Variants in NFKB1 observed in about 807,000 individuals in gnomAD.
NFKB1 encodes the protein nuclear factor NF-kappa-B p105 subunit.
A neutral mutation model predicts 105.1 loss-of-function variants in NFKB1; 9 were observed. The observed-to-expected ratio is 0.09, with a 90% CI of 0.05 to 0.15. NFKB1 has a LOEUF of 0.15. Ranked by LOEUF, NFKB1 falls within the 10% of genes least tolerant of loss-of-function variation. NFKB1 has a pLI of 1.00. For missense variants in NFKB1, 830 were observed against 1,203.7 expected (o/e 0.69, Z 4.59); for synonymous variants, 440 against 442.2 (o/e 1.00, Z 0.06).
chr4:102,505,113 T>C (rs1275000208), intron 1 of NFKB1, among the ~76,000 whole-genome samples: 4 of 152,220 alleles, frequency 2.6e-5, no homozygotes, highest in African/African-American at 9.6e-5. Flanking sequence ...CAAATTAATA[T>C]ACTGTCTTTT....
chr4:102,603,656 T>C (rs894235976), intron 16 of NFKB1, among the ~76,000 whole-genome samples: 1 of 152,234 alleles, frequency 6.6e-6, no homozygotes, highest in African/African-American at 2.4e-5. Flanking sequence ...CTGCTAAGAT[T>C]TGAACTCTTG....
rs746003910 is a variant in NFKB1 at position 102,525,566 on chromosome 4, C to T, written c.39+9C>T. ...TGGGAAGGCCTGAACAAGTAAGTGT[C>T]ATAATCTCACTGATAACTTTATTTA... is the stretch of plus-strand genomic sequence containing the variant. On this transcript the variant is annotated intron_variant, in intron 2 of 23. Coordinates refer to ENST00000226574, the MANE Select transcript of NFKB1 (RefSeq NM_003998.4). 11 of 1,605,462 alleles carry T rather than the reference C, an allele frequency of 6.9e-6. No individual in the cohort carries two copies. The highest frequency in any genetic ancestry group is 9.4e-6 in the Non-Finnish European group (11 of 1,174,220).
At position 102,600,901 on chromosome 4, in the gene NFKB1, A is replaced by G. The variant is rs771370996; in HGVS notation, c.1644A>G (p.Leu548=). ...CACTGTGTTTTCATTCCAGTGTCTT[A>G]CACTTAGCAATCATCCACCTTCATT... ...AVQDENGDSV[L]HLAIIHLHSQ... Residue 548 remains leucine (L), a synonymous_variant, in exon 16 of 24, where the codon TTA becomes TTG. Transcript: ENST00000226574. 5 of 1,579,422 alleles carry G rather than the reference A, an allele frequency of 3.2e-6. No homozygotes were observed. The South Asian group carries it at 3.3e-5, about 11-fold the overall frequency.
chr4:102,580,755 C>A, intron 9 of NFKB1, 116 bp downstream of exon 9: 2 of 731,912 alleles, frequency 2.7e-6, no homozygotes, highest in Non-Finnish European at 4.4e-6. Flanking sequence ...TCTGCTGCCA[C>A]AGAAAGTCTT....
intron 1 of NFKB1, among the ~76,000 whole-genome samples, chr4:102,509,377 C>T (rs4647972): frequency 0.057 from 8,657 of 152,116 alleles, 268 homozygotes; most frequent in African/African-American, 0.089. Flanking sequence ...GGAAGTATCC[C>T]ATTTCTCTTA....
In NFKB1 at chr4:102,613,385, G is replaced by A. The variant is rs201218064; in HGVS notation, c.2593-40G>A. ...GTGCTTACAGCCTGCACTGGGACTC[G>A]AACACAAGAACATGCTCCTCCTTCC... On this transcript the variant is annotated intron_variant, in intron 22 of 23. Transcript: ENST00000226574. 83 of 1,603,760 alleles carry A rather than the reference G, an allele frequency of 5.2e-5. No individual in the cohort carries two copies. In the African/African-American group the frequency reaches 9.9e-4, roughly 19 times the overall value.
At chr4:102,515,449 T>A (rs550353715) in intron 1 of NFKB1, among the ~76,000 whole-genome samples, 12 of 152,294 alleles carry the variant, frequency 7.9e-5, no homozygotes, top group Admixed American at 2.6e-4. Context: ...TTTAAGTCTC[T>A]CATCTTGGTA....
intron 2 of NFKB1, among the ~76,000 whole-genome samples, chr4:102,526,310 G>A (rs187726802): frequency 1.3e-5 from 2 of 152,228 alleles, no homozygotes; most frequent in Non-Finnish European, 2.9e-5. Context: ...GATGTAGAGA[G>A]TGGAATGACA....
At chr4:102,587,917 T>C (rs1725848035) in intron 11 of NFKB1, among the ~76,000 whole-genome samples, 1 of 152,136 alleles carries the variant, frequency 6.6e-6, no homozygotes, top group Non-Finnish European at 1.5e-5. Flanking sequence ...ATCCAAACTG[T>C]ACAACCCAGG....
chr4:102,562,541 G>C (rs1200065876), intron 5 of NFKB1, among the ~76,000 whole-genome samples: 1 of 152,158 alleles, frequency 6.6e-6, no homozygotes, highest in Admixed American at 6.5e-5. Context: ...TTACCTAGGT[G>C]GGAGAGAGGA....
At chr4:102,585,883 C>T (rs1725671674) in intron 11 of NFKB1, among the ~76,000 whole-genome samples, 1 of 151,924 alleles carries the variant, frequency 6.6e-6, no homozygotes, top group Non-Finnish European at 1.5e-5. Flanking sequence ...GTAAACACAG[C>T]GTTTATGCAG....
chr4:102,612,357 C>A, intron 21 of NFKB1, 77 bp from the exon 22 acceptor site: 1 of 1,471,726 alleles, frequency 6.8e-7, no homozygotes, highest in Non-Finnish European at 9.3e-7. Flanking sequence ...GGACAGCAAG[C>A]CAGGCAGCAA....
chr4:102,507,869 C>A (rs907993772), intron 1 of NFKB1, among the ~76,000 whole-genome samples: 1 of 152,102 alleles, frequency 6.6e-6, no homozygotes, highest in African/African-American at 2.4e-5. Flanking sequence ...TTATCCCAGA[C>A]GTCAATTCTA....
chr4:102,593,800 G>T (rs1236084360), intron 12 of NFKB1, among the ~76,000 whole-genome samples: 1 of 152,104 alleles, frequency 6.6e-6, no homozygotes, highest in Non-Finnish European at 1.5e-5. Context: ...CCCAAAGCCA[G>T]TTATTTAATG....
intron 5 of NFKB1, among the ~76,000 whole-genome samples, chr4:102,543,624 T>C (rs989599946): frequency 3.3e-4 from 49 of 148,654 alleles, no homozygotes; most frequent in Non-Finnish European, 6.2e-4. Context: ...AAAAAAAGGC[T>C]CCACTCTTCG....
intron 4 of NFKB1, chr4:102,537,636 G>T: frequency 2.6e-6 from 1 of 379,554 alleles, no homozygotes; most frequent in South Asian, 3.2e-5. Flanking sequence ...TAGGTACCTG[G>T]CTTTTTAGCC....
intron 8 of NFKB1, 29 bp downstream of exon 8, chr4:102,579,068 C>T (rs1208499563): frequency 1.2e-5 from 20 of 1,601,212 alleles, no homozygotes; most frequent in Non-Finnish European, 1.6e-5. Context: ...ACAGGGGGCA[C>T]ACCAAGAATA....
chr4:102,532,046 C>T (rs772819910), intron 3 of NFKB1, among the ~76,000 whole-genome samples: 12 of 152,060 alleles, frequency 7.9e-5, no homozygotes, highest in Non-Finnish European at 1.8e-4. Flanking sequence ...ATTTCCATAT[C>T]CAAAATTAAA....
intron 1 of NFKB1, among the ~76,000 whole-genome samples, chr4:102,524,297 G>C (rs967523002): frequency 2.0e-5 from 3 of 152,194 alleles, no homozygotes; most frequent in Non-Finnish European, 4.4e-5. Flanking sequence ...GCTAGGGCCT[G>C]CAGTATATTA....
Sources: allele counts gnomAD v4.1 joint callset (sites outside exome capture counted in the v4.1 genomes callset), GRCh38; gene constraint gnomAD v4.1.1; transcripts MANE v1.5; gene names NCBI Gene and HGNC (gene_info 2026-07-23, HGNC 2026-07-21).